The following PCDHA5 variants were observed in gnomAD, a reference collection of about 807,000 sequenced individuals.
PCDHA5 encodes the protein protocadherin alpha 5.
Under a neutral mutation model 61.6 loss-of-function variants are expected in PCDHA5, and 43 were observed. The ratio of observed to expected loss-of-function variants is 0.70; its 90% CI spans 0.55 to 0.90. The LOEUF is 0.90. Ranked by LOEUF, PCDHA5 falls within the 40% of genes least tolerant of loss-of-function variation. PCDHA5 has a pLI of 0.00. For missense variants in PCDHA5, 1,298 were observed against 1,222.7 expected (o/e 1.06, Z -0.92); for synonymous variants, 627 against 543.9 (o/e 1.15, Z -2.13).
chr5:140,985,096 C>A (rs1486346952), intron 3 of PCDHA5, among the ~76,000 whole-genome samples: 1 of 152,096 alleles, frequency 6.6e-6, no homozygotes, highest in Non-Finnish European at 1.5e-5. Context: ...TGCCACCAAG[C>A]CTGGCTAATT....
chr5:140,991,086 T>C (rs2097431989), intron 3 of PCDHA5, among the ~76,000 whole-genome samples: 1 of 152,206 alleles, frequency 6.6e-6, no homozygotes, highest in African/African-American at 2.4e-5. Context: ...ATAAAAAAAT[T>C]AAAGCTCATA....
chr5:140,945,635 T>C (rs1200996842), intron 1 of PCDHA5, among the ~76,000 whole-genome samples: 1 of 152,024 alleles, frequency 6.6e-6, no homozygotes, highest in Admixed American at 6.5e-5. Context: ...ATAAAAGACA[T>C]GTAGACCAAT....
At chr5:140,917,815 G>T (rs554230002) in intron 1 of PCDHA5, among the ~76,000 whole-genome samples, 1 of 152,018 alleles carries the variant, frequency 6.6e-6, no homozygotes, top group South Asian at 2.1e-4. Context: ...TATAGTTGAA[G>T]TTGGGTAGTG....
At chr5:140,856,940 A>G (rs2044280502) in intron 1 of PCDHA5, 1 of 1,593,596 alleles carries the variant, frequency 6.3e-7, no homozygotes, top group African/African-American at 1.3e-5. Context: ...AAACGAAAGG[A>G]CGGGAGAAAT....
intron 1 of PCDHA5, among the ~76,000 whole-genome samples, chr5:140,895,558 A>G (rs1449174455): frequency 6.6e-6 from 1 of 152,154 alleles, no homozygotes; most frequent in Non-Finnish European, 1.5e-5. Context: ...AGTTCTTTAT[A>G]TATTCTAGAT....
At chr5:140,895,994 A>G (rs1554186774) in intron 1 of PCDHA5, among the ~76,000 whole-genome samples, 1 of 152,038 alleles carries the variant, frequency 6.6e-6, no homozygotes, top group Non-Finnish European at 1.5e-5. Context: ...TATTTTAAGT[A>G]GAGACAGGGT....
chr5:141,011,626 C>T lies in PCDHA5; in HGVS notation c.*1689C>T, dbSNP rs1340546254. 6.5e-6 allele frequency: 1 copy of T among 153,668 alleles called. No individual in the cohort carries two copies. Among genetic ancestry groups the T allele is most frequent in the Non-Finnish European group, 1.5e-5 (1 of 68,026 alleles). The allele number at this position is 153,668 out of a possible 1,614,324, so 9.5% of individuals were successfully genotyped here. On this transcript the variant is annotated 3_prime_UTR_variant, in exon 4 of 4. Transcript: ENST00000529859. Reference sequence around the variant, plus strand: ...ATTTTATTTATGGTCCAGCCAAGAGCCATCTCGTGCCAAGACTTCTGCTGG... The same window carrying T: ...ATTTTATTTATGGTCCAGCCAAGAGTCATCTCGTGCCAAGACTTCTGCTGG...
chr5:140,929,614 A>G (rs1554207224), intron 1 of PCDHA5: 1 of 405,948 alleles, frequency 2.5e-6, no homozygotes, highest in African/African-American at 2.1e-5. Context: ...ATAAAATACC[A>G]AAATATTTTA....
intron 1 of PCDHA5, chr5:140,857,678 C>G (rs1554150504): frequency 1.3e-6 from 2 of 1,597,010 alleles, no homozygotes; most frequent in African/African-American, 1.3e-5. Flanking sequence ...CGTGCCGCCT[C>G]TGGGCAGCAA....
rs73793515 is a variant in PCDHA5 at position 140,889,833 on chromosome 5, T to C, written c.2352+65706T>C. ...TCAGGTCATAAGAAGTCTTACAGTA[T>C]GCTTTGGTCTCTGAGAATATTTGTT... On this transcript the variant is annotated intron_variant, in intron 1 of 3. Coordinates refer to ENST00000529859, the MANE Select transcript of PCDHA5 (RefSeq NM_018908.3). Among the ~76,000 whole-genome samples, 1,245 of 152,254 alleles carry C rather than the reference T, an allele frequency of 8.2e-3. 11 individuals are homozygous for C. The highest frequency in any genetic ancestry group is 0.029 in the African/African-American group (1,203 of 41,548).
At chr5:140,874,881 C>T (rs1316593398) in intron 1 of PCDHA5, among the ~76,000 whole-genome samples, 3 of 152,102 alleles carry the variant, frequency 2.0e-5, no homozygotes, top group Non-Finnish European at 2.9e-5. Context: ...AATACAAATT[C>T]CTAACTTTCT....
At position 140,969,365 on chromosome 5, in the gene PCDHA5, C is replaced by T. The variant is rs190730712; in HGVS notation, c.2353-9584C>T. The T allele has an allele frequency of 5.3e-5, 86 of 1,610,040 alleles. No homozygotes were observed. The African/African-American group carries it at 9.2e-4, about 17-fold the overall frequency. On this transcript the variant is annotated intron_variant, in intron 1 of 3. Transcript: ENST00000529859. ...GTGGTCAGGGGGTCTTCTACAAACT[C>T]ATGCATTTGTTACACATCCCCCAAT...
At chr5:140,884,037 T>C (rs1260114488) in intron 1 of PCDHA5, 1 of 1,613,346 alleles carries the variant, frequency 6.2e-7, no homozygotes, top group Non-Finnish European at 8.5e-7. Flanking sequence ...GCAGGCCACG[T>C]GGTGGCGAAG....
chr5:140,896,564 A>G (rs1475217228), intron 1 of PCDHA5, among the ~76,000 whole-genome samples: 1 of 150,096 alleles, frequency 6.7e-6, no homozygotes, highest in African/African-American at 2.5e-5. Flanking sequence ...TTAAGTAGAG[A>G]TGGGGTTTTG....
intron 1 of PCDHA5, chr5:140,836,211 G>T: frequency 6.2e-7 from 1 of 1,613,840 alleles, no homozygotes; most frequent in Non-Finnish European, 8.5e-7. Context: ...GCTTTCGTAT[G>T]AGTTGCAACC....
chr5:140,887,245 C>T (rs1200820177), intron 1 of PCDHA5, among the ~76,000 whole-genome samples: 2 of 151,924 alleles, frequency 1.3e-5, no homozygotes, highest in East Asian at 1.9e-4. Context: ...TACCGGCGCC[C>T]GCCACCACGC....
intron 1 of PCDHA5, among the ~76,000 whole-genome samples, chr5:140,889,945 C>A (rs2153428950): frequency 6.6e-6 from 1 of 152,212 alleles, no homozygotes; most frequent in Non-Finnish European, 1.5e-5. Flanking sequence ...TTGTGAGAAG[C>A]CAAATGGATA....
chr5:140,890,528 C>T (rs1329794711), intron 1 of PCDHA5, among the ~76,000 whole-genome samples: 3 of 152,060 alleles, frequency 2.0e-5, no homozygotes, highest in South Asian at 2.1e-4. Flanking sequence ...CTTTGTTGAT[C>T]TTCTTTTGAA....
At chr5:140,975,917 A>C (rs1287006605) in intron 1 of PCDHA5, among the ~76,000 whole-genome samples, 1 of 152,220 alleles carries the variant, frequency 6.6e-6, no homozygotes, top group Non-Finnish European at 1.5e-5. Context: ...TATTCTACCA[A>C]AAGACTAACC....
Sources: gnomAD v4.1 joint callset for allele counts (sites outside exome capture counted in the v4.1 genomes callset) on GRCh38, gnomAD v4.1.1 for gene constraint, MANE v1.5 for transcripts, NCBI Gene and HGNC (gene_info 2026-07-23, HGNC 2026-07-21) for gene names.